Variants in PICALM observed in about 807,000 individuals in gnomAD.
PICALM encodes phosphatidylinositol binding clathrin assembly protein.
PICALM carries 40 observed loss-of-function variants against 80.5 expected under a neutral mutation model. The observed-to-expected ratio is 0.50, with a 90% CI of 0.39 to 0.65. The LOEUF is 0.65. Ranked by LOEUF, PICALM falls within the 30% of genes least tolerant of loss-of-function variation. PICALM has a pLI of 0.00. For synonymous variants in PICALM, 288 were observed against 260.3 expected (o/e 1.11, Z -1.02); for missense variants, 676 against 778.9 (o/e 0.87, Z 1.57).
intron 1 of PICALM, among the ~76,000 whole-genome samples, chr11:86,041,590 A>T (rs1031717210): frequency 6.6e-6 from 1 of 152,206 alleles, no homozygotes; most frequent in Non-Finnish European, 1.5e-5. Flanking sequence ...AACTCCTAAG[A>T]TACTATATAT....
chr11:85,992,506 G>C (rs1316174689), intron 12 of PICALM, among the ~76,000 whole-genome samples: 1 of 151,072 alleles, frequency 6.6e-6, no homozygotes, highest in Non-Finnish European at 1.5e-5. Context: ...GGCTGGCCTC[G>C]AACTCCTAAC....
intron 1 of PICALM, among the ~76,000 whole-genome samples, chr11:86,068,173 C>A (rs2096472647): frequency 6.6e-6 from 1 of 152,012 alleles, no homozygotes; most frequent in Non-Finnish European, 1.5e-5. Flanking sequence ...GGAGGCAGCC[C>A]GGAGGGATAA....
intron 1 of PICALM, among the ~76,000 whole-genome samples, chr11:86,059,590 C>A (rs962847859): frequency 1.3e-5 from 2 of 152,114 alleles, no homozygotes; most frequent in African/African-American, 4.8e-5. Context: ...CGAGACCAGC[C>A]TAGGAAAGAG....
At chr11:85,988,462 A>G (rs2094648095) in intron 13 of PICALM, among the ~76,000 whole-genome samples, 1 of 152,196 alleles carries the variant, frequency 6.6e-6, no homozygotes, top group South Asian at 2.1e-4. Context: ...AGTTGTAAAG[A>G]TACTGTTATC....
At chr11:85,989,664 G>C (rs957581211) in intron 13 of PICALM, among the ~76,000 whole-genome samples, 1 of 152,022 alleles carries the variant, frequency 6.6e-6, no homozygotes, top group African/African-American at 2.4e-5. Flanking sequence ...TCCAAGTCGT[G>C]TTTCTGCTTT....
At chr11:86,025,865 A>G (rs1565459739) in intron 3 of PICALM, among the ~76,000 whole-genome samples, 1 of 152,096 alleles carries the variant, frequency 6.6e-6, no homozygotes, top group Non-Finnish European at 1.5e-5. Context: ...AGCCTTACAT[A>G]GCATGTCTTG....
chr11:86,003,291 T>C lies in PICALM; in HGVS notation c.893+75A>G, dbSNP rs556605518. ...TCAAGATATAGAGAAATTAAACAGC[T>C]TGGAACTTGAGCTGGTTTCATCTAC... On this transcript the variant is annotated intron_variant, in intron 9 of 19. Transcript: ENST00000393346. 6.8e-5 allele frequency: 51 copies of C among 749,516 alleles called. No individual in the cohort carries two copies. In the African/African-American group the frequency reaches 8.7e-4, roughly 13 times the overall value. The allele number at this position is 749,516 out of a possible 1,614,324, so 46.4% of individuals were successfully genotyped here.
At chr11:85,963,726 A>G (rs539138895) in intron 19 of PICALM, among the ~76,000 whole-genome samples, 17 of 152,264 alleles carry the variant, frequency 1.1e-4, no homozygotes, top group African/African-American at 3.8e-4. Flanking sequence ...CATTATATCC[A>G]GAGCAATGAT....
intron 1 of PICALM, among the ~76,000 whole-genome samples, chr11:86,064,899 C>A (rs1191941268): frequency 6.6e-6 from 1 of 151,886 alleles, no homozygotes; most frequent in African/African-American, 2.4e-5. Context: ...CATAGGGAGA[C>A]CCCCATCTCT....
At position 85,974,777 on chromosome 11, in the gene PICALM, T is replaced by G; in HGVS notation, c.1875A>C (p.Gln625His). 1 of 1,613,920 alleles carries G rather than the reference T, an allele frequency of 6.2e-7. No individual in the cohort carries two copies. Among genetic ancestry groups the G allele is most frequent in the Non-Finnish European group, 8.5e-7 (1 of 1,179,840 alleles). The change falls in exon 19 of 20, where the codon CAA becomes CAC. Residue 625 changes from glutamine (Q) to histidine (H), a missense_variant. By Grantham distance (24) the Gln-to-His change is conservative. Transcript: ENST00000393346. ...CAGGCTGGCTGTATATTAAGGTTGG[T>G]TGCGTCATTACAGGAACACTTCCCA... ...PQMGSVPVMT[Q>H]PTLIYSQPVM...
intron 3 of PICALM, among the ~76,000 whole-genome samples, chr11:86,025,734 T>G (rs764677815): frequency 2.6e-5 from 4 of 151,976 alleles, no homozygotes; most frequent in Non-Finnish European, 4.4e-5. Context: ...AATTTTTGTA[T>G]TTTTAGTAGA....
chr11:86,023,812 A>G (rs2095605105), intron 3 of PICALM, among the ~76,000 whole-genome samples: 1 of 152,100 alleles, frequency 6.6e-6, no homozygotes, highest in African/African-American at 2.4e-5. Context: ...TATCTATAAT[A>G]TATATCTGGC....
In PICALM at chr11:85,983,872, A is replaced by C. The variant is rs1313492599; in HGVS notation, c.1510T>G (p.Ser504Ala). The stretch of plus-strand genomic sequence containing the variant: ...TAAAATTTTTTTTCCTTACCCCCAG[A>C]ATCTACAATAACATTTGTAGATTTA... ...GNKSTNVIVDSGGFDELGGLL... is the reference protein window; with the variant it reads ...GNKSTNVIVDAGGFDELGGLL... The change falls in exon 14 of 20, where the codon TCT becomes GCT. Residue 504 changes from serine to alanine, a missense_variant. By Grantham distance (99) the Ser-to-Ala change is moderately conservative. This residue lies in a region of PICALM where 391 missense variants were observed against 383.6 expected (regional missense o/e 1.02). Transcript: ENST00000393346. The C allele has an allele frequency of 6.8e-7, 1 of 1,464,560 alleles. No homozygotes were observed. The highest frequency in any genetic ancestry group is 2.3e-5 in the East Asian group (1 of 43,462). 90.7% of individuals were successfully genotyped at this position (1,464,560 alleles called of 1,614,324 possible). A position where few individuals can be genotyped will look rare whatever the true frequency, so the allele number is the denominator to read the frequency against.
intron 1 of PICALM, among the ~76,000 whole-genome samples, chr11:86,051,160 G>C (rs1401427989): frequency 6.6e-6 from 1 of 152,202 alleles, no homozygotes; most frequent in East Asian, 1.9e-4. Flanking sequence ...AAGGCTCAGA[G>C]AGAAACTGTT....
At chr11:86,007,010 T>C (rs1230573201) in intron 8 of PICALM, among the ~76,000 whole-genome samples, 5 of 152,124 alleles carry the variant, frequency 3.3e-5, no homozygotes, top group East Asian at 1.9e-4. Context: ...AACTGAAGAA[T>C]AGAAAGTAAC....
At chr11:86,012,651 T>G (rs1403018865) in intron 5 of PICALM, among the ~76,000 whole-genome samples, 1 of 152,202 alleles carries the variant, frequency 6.6e-6, no homozygotes, top group African/African-American at 2.4e-5. Context: ...ATATTTTTAG[T>G]TTTATCTCAA....
intron 7 of PICALM, among the ~76,000 whole-genome samples, chr11:86,008,248 G>A (rs548054913): frequency 1.3e-5 from 2 of 152,190 alleles, no homozygotes; most frequent in East Asian, 3.9e-4. Flanking sequence ...TTTCTGTCCC[G>A]TGGCTGTGTT....
At position 86,002,241 on chromosome 11, in the gene PICALM, T is replaced by C. The variant is rs548794143; in HGVS notation, c.894-1083A>G. On this transcript the variant is annotated intron_variant, in intron 9 of 19. Transcript: ENST00000393346. Reference sequence around the variant, plus strand: ...TACTAGAAAATTCAAAGTACAAATCTAGGATTAAAAATGAGTACTAAAATC... The same window carrying C: ...TACTAGAAAATTCAAAGTACAAATCCAGGATTAAAAATGAGTACTAAAATC... 1.2e-4 allele frequency among the ~76,000 whole-genome samples: 19 copies of C among 152,296 alleles called. No individual in the cohort carries two copies. The South Asian group carries it at 3.3e-3, about 27-fold the overall frequency.
chr11:85,989,677 T>C (rs1200014982), intron 13 of PICALM, among the ~76,000 whole-genome samples: 1 of 152,192 alleles, frequency 6.6e-6, no homozygotes, highest in East Asian at 1.9e-4. Context: ...TCTGCTTTAC[T>C]ATTTAAAATG....
Sources: gnomAD v4.1 joint callset for allele counts (sites outside exome capture counted in the v4.1 genomes callset) on GRCh38, gnomAD v4.1.1 for gene constraint, gnomAD v4.1.1 regional missense constraint, MANE v1.5 for transcripts, NCBI Gene and HGNC (gene_info 2026-07-23, HGNC 2026-07-21) for gene names.